The following TSHR variants were observed in gnomAD, a reference collection of about 807,000 sequenced individuals.
The protein encoded by TSHR is thyroid stimulating hormone receptor, also known as thyrotropin receptor.
A neutral mutation model predicts 64.1 loss-of-function variants in TSHR; 51 were observed. That is an observed-to-expected ratio of 0.80 (90% CI 0.64 to 1.01). The LOEUF is 1.01. Ranked by LOEUF, TSHR falls within the 50% of genes least tolerant of loss-of-function variation. The pLI is 0.00. For synonymous variants in TSHR, 361 were observed against 361.9 expected, an observed-to-expected ratio of 1.00 and a Z score of 0.03; for missense variants, 877 against 942.8, an observed-to-expected ratio of 0.93 and a Z score of 0.91.
chr14:81,134,629 G>A (rs571417883), intron 8 of TSHR, among the ~76,000 whole-genome samples: 2 of 152,136 alleles, frequency 1.3e-5, no homozygotes, highest in Admixed American at 6.6e-5. Flanking sequence ...TAGAAGAGAT[G>A]GAAGATGCAC....
chr14:81,044,259 A>C (rs1885057017), intron 1 of TSHR, among the ~76,000 whole-genome samples: 1 of 152,216 alleles, frequency 6.6e-6, no homozygotes, highest in African/African-American at 2.4e-5. Context: ...TCATTAAAAA[A>C]TGGGCAAAGG....
intron 7 of TSHR, among the ~76,000 whole-genome samples, chr14:81,097,660 A>G (rs192757115): frequency 1.9e-3 from 290 of 152,312 alleles, no homozygotes; most frequent in Middle Eastern, 0.014. Context: ...CATGTAGATT[A>G]TGTGATTTTG....
chr14:81,036,755 A>G (rs1349188909), intron 1 of TSHR, among the ~76,000 whole-genome samples: 1 of 152,206 alleles, frequency 6.6e-6, no homozygotes, highest in Non-Finnish European at 1.5e-5. Flanking sequence ...TGAAGATTAA[A>G]AGTCAAAATG....
intron 1 of TSHR, among the ~76,000 whole-genome samples, chr14:80,978,642 A>G (rs531758344): frequency 1.3e-5 from 2 of 152,184 alleles, no homozygotes; most frequent in African/African-American, 2.4e-5. Flanking sequence ...AGCCTTGGTT[A>G]AAACACTGTG....
chr14:81,070,939 T>C (rs1887023782), intron 3 of TSHR, among the ~76,000 whole-genome samples: 1 of 152,158 alleles, frequency 6.6e-6, no homozygotes, highest in Non-Finnish European at 1.5e-5. Flanking sequence ...GACATTTCTG[T>C]GCAGGAAGAA....
chr14:80,998,870 T>G (rs1035612780), intron 1 of TSHR, among the ~76,000 whole-genome samples: 1 of 152,204 alleles, frequency 6.6e-6, no homozygotes, highest in Non-Finnish European at 1.5e-5. Context: ...TTGGACTGAT[T>G]TATGCCTACT....
At chr14:81,027,383 A>C (rs1488926639) in intron 1 of TSHR, among the ~76,000 whole-genome samples, 1 of 152,216 alleles carries the variant, frequency 6.6e-6, no homozygotes, top group East Asian at 1.9e-4. Flanking sequence ...TCCAGCAAAC[A>C]TAAATATCTA....
At chr14:81,063,495 G>C (rs1380122071) in intron 2 of TSHR, among the ~76,000 whole-genome samples, 1 of 152,032 alleles carries the variant, frequency 6.6e-6, no homozygotes, top group African/African-American at 2.4e-5. Flanking sequence ...CTCCCAAGCT[G>C]TTCCTTCTCT....
At chr14:81,015,541 C>T (rs1336259717) in intron 1 of TSHR, among the ~76,000 whole-genome samples, 2 of 151,958 alleles carry the variant, frequency 1.3e-5, no homozygotes, top group Admixed American at 6.6e-5. Context: ...TGGTGTACAA[C>T]GTGATGCTTT....
intron 1 of TSHR, among the ~76,000 whole-genome samples, chr14:80,966,043 G>T (rs748066705): frequency 7.2e-5 from 11 of 152,168 alleles, no homozygotes; most frequent in Non-Finnish European, 1.6e-4. Context: ...CATGATCTCT[G>T]TATTTATATG....
At chr14:81,060,883 A>G (rs1016349269) in intron 1 of TSHR, among the ~76,000 whole-genome samples, 1 of 152,144 alleles carries the variant, frequency 6.6e-6, no homozygotes, top group Non-Finnish European at 1.5e-5. Context: ...CTCAAGTAGT[A>G]ACTATAGTAA....
chr14:81,025,802 C>A (rs974926632), intron 1 of TSHR, among the ~76,000 whole-genome samples: 1 of 143,356 alleles, frequency 7.0e-6, no homozygotes, highest in South Asian at 2.4e-4. Context: ...AGTACACACT[C>A]CCATCTGTCA....
intron 1 of TSHR, among the ~76,000 whole-genome samples, chr14:81,039,271 A>G (rs1884805187): frequency 6.6e-6 from 1 of 152,026 alleles, no homozygotes; most frequent in African/African-American, 2.4e-5. Flanking sequence ...CAAAAAAAGC[A>G]TTTGATAAAA....
intron 3 of TSHR, among the ~76,000 whole-genome samples, chr14:81,084,356 C>CTT (rs201205225): frequency 6.6e-6 from 1 of 151,048 alleles, no homozygotes; most frequent in African/African-American, 2.5e-5. Flanking sequence ...CTCTTTATTA[C>CTT]TTTTTTTTAT....
chr14:81,011,650 A>G (rs760410129), intron 1 of TSHR, among the ~76,000 whole-genome samples: 1 of 152,122 alleles, frequency 6.6e-6, no homozygotes, highest in African/African-American at 2.4e-5. Flanking sequence ...TCTAAAAATT[A>G]TGCTGCAATA....
intron 1 of TSHR, among the ~76,000 whole-genome samples, chr14:81,040,121 T>G (rs187833020): frequency 6.6e-6 from 1 of 151,890 alleles, no homozygotes; most frequent in Admixed American, 6.6e-5. Flanking sequence ...AATAGACACA[T>G]AGACCAATGG....
chr14:81,055,237 A>G (rs936565436), intron 1 of TSHR, among the ~76,000 whole-genome samples: 1 of 152,210 alleles, frequency 6.6e-6, no homozygotes, highest in African/African-American at 2.4e-5. Context: ...CACAGAAGTC[A>G]AGAATTGAGG....
chr14:81,045,913 A>C (rs1463901397), intron 1 of TSHR, among the ~76,000 whole-genome samples: 1 of 152,196 alleles, frequency 6.6e-6, no homozygotes, highest in Non-Finnish European at 1.5e-5. Context: ...GCATCATCAG[A>C]GTTTACTCAC....
intron 1 of TSHR, among the ~76,000 whole-genome samples, chr14:80,971,813 C>T (rs1471890915): frequency 6.6e-6 from 1 of 152,186 alleles, no homozygotes; most frequent in Non-Finnish European, 1.5e-5. Context: ...TTGACAGTTA[C>T]TTTGGCAACT....
Sources: allele counts gnomAD v4.1 joint callset (sites outside exome capture counted in the v4.1 genomes callset), GRCh38; gene constraint gnomAD v4.1.1; transcripts MANE v1.5; gene names NCBI Gene and HGNC (gene_info 2026-07-23, HGNC 2026-07-21).